The following DOCK3 variants were observed in gnomAD, a reference collection of about 807,000 sequenced individuals.
DOCK3 encodes dedicator of cytokinesis protein 3.
A neutral mutation model predicts 265.6 loss-of-function variants in DOCK3; 60 were observed. The ratio of observed to expected loss-of-function variants is 0.23; its 90% CI spans 0.18 to 0.28. DOCK3 has a LOEUF of 0.28. DOCK3 is among the 10% of genes least tolerant of loss of function. The probability of loss-of-function intolerance (pLI) is 1.00; values close to 1 mark genes in which losing one functional copy is unlikely to be tolerated. For missense variants in DOCK3, 1,981 were observed against 2,594.3 expected (o/e 0.76, Z 5.14); for synonymous variants, 881 against 938.0 (o/e 0.94, Z 1.11).
At chr3:50,944,733 C>G (rs62257830) in intron 5 of DOCK3, among the ~76,000 whole-genome samples, 1 of 151,944 alleles carries the variant, frequency 6.6e-6, no homozygotes, top group Non-Finnish European at 1.5e-5. Flanking sequence ...TTGAGGTGAG[C>G]GGATCACCTG....
intron 4 of DOCK3, among the ~76,000 whole-genome samples, chr3:50,931,946 C>T (rs2051088599): frequency 6.6e-6 from 1 of 152,164 alleles, no homozygotes; most frequent in Admixed American, 6.5e-5. Flanking sequence ...TTTTTTGCCT[C>T]AGTGGTGTAC....
chr3:50,739,171 T>A (rs769920269), intron 1 of DOCK3, among the ~76,000 whole-genome samples: 15 of 152,228 alleles, frequency 9.9e-5, no homozygotes, highest in Non-Finnish European at 2.2e-4. Context: ...AACGTCTTGT[T>A]GTCTTCTTGT....
intron 5 of DOCK3, among the ~76,000 whole-genome samples, chr3:51,049,268 G>C (rs2109098364): frequency 6.6e-6 from 1 of 152,266 alleles, no homozygotes; most frequent in East Asian, 1.9e-4. Context: ...GGCGATTGCA[G>C]TGAGCTGAGA....
chr3:50,930,167 A>G (rs1332131707), intron 4 of DOCK3, among the ~76,000 whole-genome samples: 1 of 152,254 alleles, frequency 6.6e-6, no homozygotes, highest in Non-Finnish European at 1.5e-5. Flanking sequence ...TGATTAAAGT[A>G]GCTAAAGACC....
intron 2 of DOCK3, among the ~76,000 whole-genome samples, chr3:50,839,718 TCTCCC>T (rs1190808502): frequency 0.013 from 197 of 15,014 alleles, 4 homozygotes; most frequent in African/African-American, 0.029. Flanking sequence ...CCTCCCCTCC[TCTCCC>T]CTCCCCTCCC....
intron 35 of DOCK3, among the ~76,000 whole-genome samples, chr3:51,336,078 A>C (rs2084850950): frequency 6.6e-6 from 1 of 152,142 alleles, no homozygotes; most frequent in Non-Finnish European, 1.5e-5. Flanking sequence ...AGGAAAAAAT[A>C]ATTGTTCAAA....
chr3:50,983,438 T>TAAAAGC (rs2077775951), intron 5 of DOCK3, among the ~76,000 whole-genome samples: 1 of 152,096 alleles, frequency 6.6e-6, no homozygotes, highest in Non-Finnish European at 1.5e-5. Context: ...TTTCCTCCCC[T>TAAAAGC]CTGTGGCCCA....
rs994748249 is a variant in DOCK3 at position 51,106,787 on chromosome 3, C to T, written c.746+16403C>T. On this transcript the variant is annotated intron_variant, in intron 9 of 52. Coordinates refer to ENST00000266037, the MANE Select transcript of DOCK3 (RefSeq NM_004947.5). ...ATAGTCACTAATAGGAGGGGGTGCC[C>T]CCCCCAGCCATACTTCAAATGCTTG... Among the ~76,000 whole-genome samples the T allele has an allele frequency of 9.2e-5, 14 of 152,316 alleles. 1 individual carries two copies. The highest frequency in any genetic ancestry group is 6.2e-4 in the South Asian group (3 of 4,824).
intron 32 of DOCK3, among the ~76,000 whole-genome samples, chr3:51,322,807 A>G (rs569696427): frequency 8.8e-4 from 134 of 152,352 alleles, no homozygotes; most frequent in African/African-American, 3.1e-3. Context: ...TAACAATATT[A>G]ACCTTAAATG....
intron 9 of DOCK3, among the ~76,000 whole-genome samples, chr3:51,125,185 A>G (rs1188138263): frequency 6.6e-6 from 1 of 152,174 alleles, no homozygotes; most frequent in Non-Finnish European, 1.5e-5. Flanking sequence ...GCAATTTAAC[A>G]TAGTTCAGTG....
chr3:50,948,908 G>A lies in DOCK3; in HGVS notation c.315+14831G>A, dbSNP rs1379015500. Reference sequence around the variant, plus strand: ...TATAGTAAGACTGTGGTATTAAAAGGATGGACATATAGATCAATGAAACAG... The same window carrying A: ...TATAGTAAGACTGTGGTATTAAAAGAATGGACATATAGATCAATGAAACAG... On this transcript the variant is annotated intron_variant, in intron 5 of 52. Transcript: ENST00000266037. 2.6e-5 allele frequency among the ~76,000 whole-genome samples: 4 copies of A among 152,302 alleles called. No individual in the cohort carries two copies. In the South Asian group the frequency reaches 6.2e-4, roughly 24 times the overall value.
intron 4 of DOCK3, among the ~76,000 whole-genome samples, chr3:50,929,532 T>G (rs1270431839): frequency 6.6e-6 from 1 of 152,210 alleles, no homozygotes; most frequent in East Asian, 1.9e-4. Flanking sequence ...TTTTGAGCAC[T>G]TTTTTGTCCT....
chr3:51,109,586 G>GA (rs1432543824), intron 9 of DOCK3, among the ~76,000 whole-genome samples: 3 of 151,646 alleles, frequency 2.0e-5, no homozygotes, highest in East Asian at 3.9e-4. Context: ...ATGATTTTTT[G>GA]AAAAAAATAA....
Position 51,333,018 on chromosome 3 carries a change from C to G in DOCK3, c.3506C>G (p.Pro1169Arg). Reference protein sequence around the residue: ...LFSLLTQLFGPYPSLLEKVEQ... With the variant: ...LFSLLTQLFGRYPSLLEKVEQ... ...TGGAGTAGAACCCAGCTGTTTGGGC[C>G]CTACCCCAGGTAAGACTGCAGTGTG... Residue 1169 changes from proline to arginine, a missense_variant, in exon 34 of 53, where the codon CCC becomes CGC. Pro to Arg is a moderately radical substitution (Grantham distance 103, BLOSUM62 -2). This residue lies in a region of DOCK3 where 1,357 missense variants were observed against 1,866.8 expected (regional missense o/e 0.73). Transcript: ENST00000266037. The G allele has an allele frequency of 6.2e-7, 1 of 1,613,944 alleles. No individual in the cohort carries two copies. The highest frequency in any genetic ancestry group is 2.2e-5 in the East Asian group (1 of 44,880).
chr3:50,985,422 C>A (rs1274192401), intron 5 of DOCK3, among the ~76,000 whole-genome samples: 1 of 152,066 alleles, frequency 6.6e-6, no homozygotes, highest in Non-Finnish European at 1.5e-5. Flanking sequence ...TTTTTTCTTC[C>A]TGTATCCTCA....
In DOCK3 at chr3:51,305,834, C is replaced by CTTTTTTTT. The variant is rs761039681; in HGVS notation, c.2923-4383_2923-4376dup. Among the ~76,000 whole-genome samples, 231 of 50,560 alleles carry CTTTTTTTT rather than the reference C, an allele frequency of 4.6e-3. 4 individuals are homozygous for CTTTTTTTT. Among genetic ancestry groups the CTTTTTTTT allele is most frequent in the Non-Finnish European group, 5.4e-3 (169 of 31,086 alleles). The allele number at this position is 50,560 out of a possible 152,430, so 33.2% of individuals were successfully genotyped here. A position where few individuals can be genotyped will look rare whatever the true frequency, so the allele number is the denominator to read the frequency against. ...TCTGAGAATGTCTTGATTTCTTCTT[C>CTTTTTTTT]TTTTTTTTTTTTTTTTTTTTTTGAG... On this transcript the variant is annotated intron_variant, in intron 27 of 52. Coordinates refer to ENST00000266037, the MANE Select transcript of DOCK3 (RefSeq NM_004947.5).
intron 1 of DOCK3, among the ~76,000 whole-genome samples, chr3:50,703,551 T>C (rs2036190812): frequency 6.6e-6 from 1 of 152,036 alleles, no homozygotes; most frequent in South Asian, 2.1e-4. Context: ...CTTGGTTCAG[T>C]CTTGGTGGGT....
At chr3:51,298,184 A>T (rs2109300421) in intron 27 of DOCK3, among the ~76,000 whole-genome samples, 1 of 152,334 alleles carries the variant, frequency 6.6e-6, no homozygotes, top group South Asian at 2.1e-4. Flanking sequence ...GGTAGCTTGT[A>T]ACTTCCTAAG....
intron 1 of DOCK3, among the ~76,000 whole-genome samples, chr3:50,696,060 C>T (rs1251779798): frequency 1.3e-5 from 2 of 152,210 alleles, no homozygotes; most frequent in Admixed American, 6.5e-5. Context: ...GGCATCAAGA[C>T]CTCTGTGTCT....
Sources: allele counts gnomAD v4.1 joint callset (sites outside exome capture counted in the v4.1 genomes callset), GRCh38; gene constraint gnomAD v4.1.1; regional missense constraint gnomAD v4.1.1; transcripts MANE v1.5; gene names NCBI Gene and HGNC (gene_info 2026-07-23, HGNC 2026-07-21).